Variants in CASQ2 observed in about 807,000 individuals in gnomAD.
The protein encoded by CASQ2 is calsequestrin-2.
In CASQ2, 49 loss-of-function variants were observed where a neutral mutation model predicts 46.5. The ratio of observed to expected loss-of-function variants is 1.05; its 90% CI spans 0.84 to 1.34. The LOEUF (loss-of-function observed/expected upper bound fraction) is 1.34. CASQ2 is among the 40% of genes most tolerant of loss of function. CASQ2 has a pLI of 0.00. For synonymous variants in CASQ2, 174 were observed against 168.5 expected (o/e 1.03, Z -0.25); for missense variants, 486 against 481.3 (o/e 1.01, Z -0.09).
At chr1:115,729,275 A>C (rs185630726) in intron 5 of CASQ2, among the ~76,000 whole-genome samples, 1 of 151,736 alleles carries the variant, frequency 6.6e-6, no homozygotes, top group Non-Finnish European at 1.5e-5. Context: ...GTCTTGAACT[A>C]CTGACCTCAG....
intron 1 of CASQ2, among the ~76,000 whole-genome samples, chr1:115,752,606 G>C (rs1471839354): frequency 6.6e-6 from 1 of 152,138 alleles, no homozygotes; most frequent in South Asian, 2.1e-4. Flanking sequence ...ATGTGCAGGG[G>C]TGTGCAGGAG....
chr1:115,734,418 C>T (rs1647889260), intron 4 of CASQ2, among the ~76,000 whole-genome samples: 2 of 152,190 alleles, frequency 1.3e-5, no homozygotes, highest in South Asian at 4.1e-4. Context: ...AGGAGCTTCC[C>T]TTCCTCTCTT....
chr1:115,767,369 A>C (rs1294869934), intron 1 of CASQ2, among the ~76,000 whole-genome samples: 1 of 152,224 alleles, frequency 6.6e-6, no homozygotes, highest in Non-Finnish European at 1.5e-5. Context: ...CAATTTGAAA[A>C]AATTCAAATC....
chr1:115,757,733 C>T (rs1208013176), intron 1 of CASQ2, among the ~76,000 whole-genome samples: 1 of 152,112 alleles, frequency 6.6e-6, no homozygotes, highest in Non-Finnish European at 1.5e-5. Context: ...ATCAATTTTA[C>T]CCATATTTTG....
chr1:115,762,100 T>C (rs1308159056), intron 1 of CASQ2, among the ~76,000 whole-genome samples: 1 of 152,220 alleles, frequency 6.6e-6, no homozygotes, highest in Non-Finnish European at 1.5e-5. Context: ...CTTTGAACTC[T>C]AGTTGCAGCC....
chr1:115,717,962 G>T (rs1647224673), intron 7 of CASQ2, 68 bp from the exon 8 acceptor site: 2 of 1,080,998 alleles, frequency 1.9e-6, no homozygotes, highest in East Asian at 2.4e-5. Context: ...GCCAGGGACA[G>T]GGACTCAGAA....
chr1:115,736,820 T>C (rs184470961), intron 4 of CASQ2, among the ~76,000 whole-genome samples: 83 of 152,250 alleles, frequency 5.5e-4, no homozygotes, highest in Non-Finnish European at 1.0e-3. Context: ...ATCATTAACA[T>C]GCAGGTAATA....
intron 7 of CASQ2, among the ~76,000 whole-genome samples, chr1:115,721,225 C>T (rs1016879351): frequency 1.3e-5 from 2 of 152,094 alleles, no homozygotes; most frequent in Non-Finnish European, 2.9e-5. Flanking sequence ...GTGGGCAGTT[C>T]CCCAGGACTC....
At chr1:115,737,966 T>C (rs544623626) in intron 4 of CASQ2, among the ~76,000 whole-genome samples, 1 of 152,126 alleles carries the variant, frequency 6.6e-6, no homozygotes, top group Non-Finnish European at 1.5e-5. Flanking sequence ...GAGAAGAGCT[T>C]TTCTCTTTTT....
chr1:115,755,321 TG>T (rs1351219040), intron 1 of CASQ2, among the ~76,000 whole-genome samples: 1 of 151,974 alleles, frequency 6.6e-6, no homozygotes, highest in African/African-American at 2.4e-5. Context: ...GCCCAGGCCC[TG>T]ACCTCCTCTG....
intron 4 of CASQ2, among the ~76,000 whole-genome samples, chr1:115,737,879 A>C (rs1183141254): frequency 6.6e-6 from 1 of 152,202 alleles, no homozygotes; most frequent in Non-Finnish European, 1.5e-5. Flanking sequence ...AGGAGCTACC[A>C]ATGCCAGGGA....
chr1:115,751,428 G>T (rs61798519), intron 1 of CASQ2, among the ~76,000 whole-genome samples: 66,122 of 145,160 alleles, frequency 0.46, 16,766 homozygotes, highest in Non-Finnish European at 0.58. Flanking sequence ...CCAGCACTTT[G>T]GGAGGCGAGG....
chr1:115,765,737 C>T (rs1649113351), intron 1 of CASQ2, among the ~76,000 whole-genome samples: 1 of 152,060 alleles, frequency 6.6e-6, no homozygotes. Context: ...CCGCCTTAAG[C>T]TGCGAGGGGG....
intron 3 of CASQ2, among the ~76,000 whole-genome samples, chr1:115,738,958 T>A (rs892998319): frequency 4.8e-5 from 7 of 146,200 alleles, no homozygotes; most frequent in Non-Finnish European, 1.1e-4. Flanking sequence ...CCACATATAA[T>A]AAGTGAGAAC....
chr1:115,721,183 C>G (rs1490624813), intron 7 of CASQ2, among the ~76,000 whole-genome samples: 3 of 152,138 alleles, frequency 2.0e-5, no homozygotes, highest in Non-Finnish European at 4.4e-5. Context: ...AGGGAGGCTT[C>G]TTTTAGAAGA....
At chr1:115,755,703 A>G (rs1239716800) in intron 1 of CASQ2, among the ~76,000 whole-genome samples, 4 of 152,174 alleles carry the variant, frequency 2.6e-5, no homozygotes, top group East Asian at 1.9e-4. Context: ...CACATACACA[A>G]TGATTTCAGG....
At position 115,742,756 on chromosome 1, in the gene CASQ2, G is replaced by A. The variant is rs189863047; in HGVS notation, c.320-1928C>T. 9.2e-4 allele frequency among the ~76,000 whole-genome samples: 137 copies of A among 149,678 alleles called. 1 individual carries two copies. The highest frequency in any genetic ancestry group is 3.4e-3 in the African/African-American group (135 of 40,250). ...CAAGAGACTGCTGGGGGAGGAGACA[G>A]AACTCATTAAACTGTTTGTTTGTTT... On this transcript the variant is annotated intron_variant, in intron 2 of 10. Coordinates refer to ENST00000261448, the MANE Select transcript of CASQ2 (RefSeq NM_001232.4).
intron 7 of CASQ2, among the ~76,000 whole-genome samples, 193 bp downstream of exon 7, chr1:115,725,315 C>A (rs1233972921): frequency 2.0e-5 from 3 of 152,088 alleles, no homozygotes; most frequent in Admixed American, 2.0e-4. Flanking sequence ...TGATCCCTGG[C>A]CCCGGCCTCC....
intron 7 of CASQ2, among the ~76,000 whole-genome samples, chr1:115,723,815 A>T (rs775445975): frequency 1.3e-5 from 2 of 152,242 alleles, no homozygotes; most frequent in Admixed American, 6.5e-5. Context: ...CTGAGATTAC[A>T]GGCATGAGTC....
Sources: gnomAD v4.1 joint callset for allele counts (sites outside exome capture counted in the v4.1 genomes callset) on GRCh38, gnomAD v4.1.1 for gene constraint, MANE v1.5 for transcripts, NCBI Gene and HGNC (gene_info 2026-07-23, HGNC 2026-07-21) for gene names.